CSMD1: variants seen among roughly 807,000 people sequenced by gnomAD.
CSMD1 encodes CUB and Sushi multiple domains 1.
CSMD1 carries 213 observed loss-of-function variants against 417.5 expected under a neutral mutation model. The observed-to-expected ratio is 0.51, with a 90% CI of 0.46 to 0.57. CSMD1 has a LOEUF of 0.57. CSMD1 is among the 20% of genes least tolerant of loss of function. CSMD1 has a pLI of 0.00. For synonymous variants in CSMD1, 2,862 were observed against 1,736.8 expected, an observed-to-expected ratio of 1.65 and a Z score of -16.11; for missense variants, 6,923 against 4,529.7, an observed-to-expected ratio of 1.53 and a Z score of -15.17.
At position 4,610,143 on chromosome 8, in the gene CSMD1, A is replaced by G. The variant is rs571048805; in HGVS notation, c.302+27199T>C. Among the ~76,000 whole-genome samples the G allele has an allele frequency of 8.0e-5, 12 of 150,410 alleles. No individual in the cohort carries two copies. In the Middle Eastern group the frequency reaches 0.01, roughly 131 times the overall value. On this transcript the variant is annotated intron_variant, in intron 2 of 69. Coordinates refer to ENST00000635120, the MANE Select transcript of CSMD1 (RefSeq NM_033225.6). The stretch of plus-strand genomic sequence containing the variant: ...GGTGTCATTTAAAGACTAATAGGTT[A>G]TGAACACCTTTTCTTCCCCTGCTTT...
At chr8:3,979,191 C>A (rs139435905) in intron 5 of CSMD1, among the ~76,000 whole-genome samples, 1 of 152,204 alleles carries the variant, frequency 6.6e-6, no homozygotes, top group Non-Finnish European at 1.5e-5. Flanking sequence ...CACTAACAGA[C>A]AGGGACAGCC....
chr8:4,031,112 C>G (rs1343280722), intron 4 of CSMD1, among the ~76,000 whole-genome samples: 1 of 152,202 alleles, frequency 6.6e-6, no homozygotes, highest in South Asian at 2.1e-4. Flanking sequence ...CTGTCTCCTT[C>G]TGAGTCCTCC....
At chr8:4,021,801 A>C (rs892509350) in intron 4 of CSMD1, among the ~76,000 whole-genome samples, 1 of 152,186 alleles carries the variant, frequency 6.6e-6, no homozygotes, top group African/African-American at 2.4e-5. Flanking sequence ...TTAGTGATAA[A>C]ACTAAATTAA....
intron 2 of CSMD1, among the ~76,000 whole-genome samples, chr8:4,438,488 C>A (rs375948389): frequency 1.3e-5 from 2 of 152,224 alleles, no homozygotes; most frequent in Admixed American, 6.5e-5. Flanking sequence ...TTGGGTTCCA[C>A]AGCACCTGGC....
chr8:4,704,349 C>A (rs1476454411), intron 1 of CSMD1, among the ~76,000 whole-genome samples: 1 of 152,168 alleles, frequency 6.6e-6, no homozygotes, highest in Non-Finnish European at 1.5e-5. Flanking sequence ...TTGTCTGGGA[C>A]TTGATTACAG....
intron 2 of CSMD1, among the ~76,000 whole-genome samples, chr8:4,604,731 T>C (rs1408427242): frequency 2.0e-5 from 3 of 152,156 alleles, no homozygotes; most frequent in African/African-American, 7.2e-5. Flanking sequence ...AATGGTAACA[T>C]TTATGCACAA....
chr8:4,275,364 G>A (rs925706743), intron 3 of CSMD1, among the ~76,000 whole-genome samples: 2 of 152,158 alleles, frequency 1.3e-5, no homozygotes, highest in African/African-American at 2.4e-5. Context: ...TCAGTGCCAA[G>A]ATTAAAGGAA....
At chr8:4,629,182 C>A (rs1363001468) in intron 2 of CSMD1, among the ~76,000 whole-genome samples, 1 of 152,138 alleles carries the variant, frequency 6.6e-6, no homozygotes, top group African/African-American at 2.4e-5. Context: ...TTGTAGAATA[C>A]ATTCTTAGCT....
intron 3 of CSMD1, among the ~76,000 whole-genome samples, chr8:4,368,335 G>A (rs971996951): frequency 1.3e-5 from 2 of 152,094 alleles, no homozygotes; most frequent in Non-Finnish European, 2.9e-5. Flanking sequence ...CAGGTATACA[G>A]CCTACTTTAT....
At chr8:3,937,449 TCATC>T (rs1310484314) in intron 5 of CSMD1, among the ~76,000 whole-genome samples, 1 of 152,154 alleles carries the variant, frequency 6.6e-6, no homozygotes, top group Non-Finnish European at 1.5e-5. Flanking sequence ...TGATCACTGA[TCATC>T]CATCAACATT....
At chr8:4,352,314 T>G (rs527954870) in intron 3 of CSMD1, among the ~76,000 whole-genome samples, 1 of 152,210 alleles carries the variant, frequency 6.6e-6, no homozygotes, top group Non-Finnish European at 1.5e-5. Flanking sequence ...GAACTATCTA[T>G]GCCATCATAA....
Position 3,367,258 on chromosome 8 carries a change from A to C in CSMD1, c.2900-11T>G. On this transcript the variant is annotated splice_polypyrimidine_tract_variant and intron_variant, in intron 19 of 69. Coordinates refer to ENST00000635120, the MANE Select transcript of CSMD1 (RefSeq NM_033225.6). ...AGATCATTTGAACTCCTGAGAAATG[A>C]AGCCGGGGGAGAGAGAGAGAGACAG... is the stretch of plus-strand genomic sequence containing the variant. 6.3e-7 allele frequency: 1 copy of C among 1,590,958 alleles called. No homozygotes were observed. The highest frequency in any genetic ancestry group is 8.6e-7 in the Non-Finnish European group (1 of 1,165,114).
intron 1 of CSMD1, among the ~76,000 whole-genome samples, chr8:4,682,257 T>G (rs771183513): frequency 3.3e-5 from 5 of 151,918 alleles, no homozygotes. Flanking sequence ...CTCAAACTCC[T>G]GGGGCTAAAG....
At chr8:3,761,668 G>A (rs1403634432) in intron 5 of CSMD1, among the ~76,000 whole-genome samples, 2 of 151,844 alleles carry the variant, frequency 1.3e-5, no homozygotes, top group East Asian at 3.9e-4. Context: ...ACCACACCTG[G>A]CTAATTTTTG....
chr8:3,400,634 T>C (rs1290137770), intron 15 of CSMD1, among the ~76,000 whole-genome samples: 3 of 152,090 alleles, frequency 2.0e-5, no homozygotes, highest in South Asian at 4.1e-4. Flanking sequence ...TTTGTTGATA[T>C]GGGAAAATCT....
chr8:3,752,403 C>T (rs1563341062), intron 6 of CSMD1, among the ~76,000 whole-genome samples: 1 of 151,956 alleles, frequency 6.6e-6, no homozygotes, highest in Non-Finnish European at 1.5e-5. Flanking sequence ...ACCTGTAATC[C>T]CAGCACTTTG....
chr8:3,503,872 G>C (rs1302985943), intron 10 of CSMD1, among the ~76,000 whole-genome samples: 2 of 144,664 alleles, frequency 1.4e-5, no homozygotes, highest in Non-Finnish European at 3.0e-5. Flanking sequence ...GCCCCTGGTA[G>C]CCACTGTTCA....
At chr8:3,935,274 A>G (rs546909738) in intron 5 of CSMD1, among the ~76,000 whole-genome samples, 89 of 152,230 alleles carry the variant, frequency 5.8e-4, no homozygotes, top group Non-Finnish European at 1.1e-3. Context: ...AAGAATTTTC[A>G]TAGATACTGT....
At chr8:4,127,178 C>G (rs1802813816) in intron 3 of CSMD1, among the ~76,000 whole-genome samples, 1 of 152,002 alleles carries the variant, frequency 6.6e-6, no homozygotes, top group Non-Finnish European at 1.5e-5. Context: ...ATTTAAAGTT[C>G]CTGCTATCCC....
Sources: allele counts gnomAD v4.1 joint callset (sites outside exome capture counted in the v4.1 genomes callset), GRCh38; gene constraint gnomAD v4.1.1; transcripts MANE v1.5; gene names NCBI Gene and HGNC (gene_info 2026-07-23, HGNC 2026-07-21).